The following BSG variants were observed in gnomAD, a reference collection of about 807,000 sequenced individuals.
BSG encodes the protein basigin.
A neutral mutation model predicts 43.1 loss-of-function variants in BSG; 37 were observed. That is an observed-to-expected ratio of 0.86 (90% confidence interval 0.66 to 1.13). The LOEUF (loss-of-function observed/expected upper bound fraction) is 1.13. Ranked by LOEUF, BSG falls within the 50% of genes most tolerant of loss-of-function variation. The pLI is 0.00. For synonymous variants in BSG, 309 were observed against 238.7 expected, an observed-to-expected ratio of 1.29 and a Z score of -2.72; for missense variants, 599 against 554.2, an observed-to-expected ratio of 1.08 and a Z score of -0.81.
chr19:581,616 C>CA (rs1982332156), intron 6 of BSG, 25 bp downstream of exon 6: 1 of 1,561,036 alleles, frequency 6.4e-7, no homozygotes, highest in African/African-American at 1.4e-5. Flanking sequence ...CTCCTGCCCA[C>CA]ATGCCCTGCT....
chr19:572,455 T>A (rs940915620), upstream of BSG: 5 of 1,154,914 alleles, frequency 4.3e-6, no homozygotes, highest in African/African-American at 8.1e-5. Context: ...AGCCGGCGCG[T>A]ACATGCGAGC....
At chr19:571,500 C>T (rs1365635539), upstream of BSG, 14 of 778,570 alleles carry the variant, frequency 1.8e-5, no homozygotes, top group Non-Finnish European at 3.1e-5. Context: ...TCTGGGTTTA[C>T]GCGTCACCTC....
chr19:579,062 A>G (rs1010556407), intron 2 of BSG: 22 of 457,780 alleles, frequency 4.8e-5, no homozygotes, highest in African/African-American at 4.2e-4. Flanking sequence ...GTTTTTAGAA[A>G]AGAATTTCCA....
chr19:572,373 C>T, upstream of BSG: 2 of 1,097,166 alleles, frequency 1.8e-6, no homozygotes. Flanking sequence ...TCCCCGCAGG[C>T]CCCACTCCCG....
At chr19:572,322 T>C, upstream of BSG, 1 of 971,864 alleles carries the variant, frequency 1.0e-6, no homozygotes, top group Non-Finnish European at 1.2e-6. Flanking sequence ...TCATTGCAAC[T>C]TTGAAAGCAG....
chr19:578,395 C>G (rs1047219346), intron 2 of BSG, among the ~76,000 whole-genome samples: 1 of 152,076 alleles, frequency 6.6e-6, no homozygotes, highest in Non-Finnish European at 1.5e-5. Flanking sequence ...CCATCCGTTC[C>G]GTCGTTTCTG....
intron 4 of BSG, 68 bp from the exon 5 acceptor site, chr19:580,578 T>TC: frequency 6.2e-7 from 1 of 1,607,140 alleles, no homozygotes; most frequent in East Asian, 2.2e-5. Flanking sequence ...GGAACAGCCC[T>TC]CCTGCGGGAG....
chr19:572,923 C>T lies in BSG; in HGVS notation c.67+222C>T, dbSNP rs1460571552. 7.3e-5 allele frequency among the ~76,000 whole-genome samples: 11 copies of T among 151,394 alleles called. No homozygotes were observed. The East Asian group carries it at 1.8e-3, about 24-fold the overall frequency. On this transcript the variant is annotated intron_variant, in intron 1 of 8. Transcript: ENST00000333511. ...TCCTCCCGGCGCGGCCTGCCGGGCTCCCCCGGGCGCTCCGGCCTCGAGCCC... is the reference window on the plus strand; with the variant it reads ...TCCTCCCGGCGCGGCCTGCCGGGCTTCCCCGGGCGCTCCGGCCTCGAGCCC...
intron 3 of BSG, chr19:580,005 C>G: frequency 2.4e-6 from 1 of 417,296 alleles, no homozygotes; most frequent in African/African-American, 2.0e-5. Context: ...ATGCCCTGCT[C>G]GGACCCCAGA....
At chr19:577,166 T>C (rs1418820196) in intron 1 of BSG, among the ~76,000 whole-genome samples, 1 of 152,100 alleles carries the variant, frequency 6.6e-6, no homozygotes, top group African/African-American at 2.4e-5. Flanking sequence ...GGCCTTCCCT[T>C]GCATTTCGAA....
rs150004629 is a variant in BSG, at chr19:579,593, G to A, written c.509G>A (p.Arg170His). 4.3e-6 allele frequency: 7 copies of A among 1,612,502 alleles called. No homozygotes were observed. In the African/African-American group the frequency reaches 6.7e-5, roughly 15 times the overall value. ...NDSATEVTGHRWLKGGVVLKE... is the reference protein window; with the variant it reads ...NDSATEVTGHHWLKGGVVLKE... The stretch of plus-strand genomic sequence containing the variant: ...AGCGCCACAGAGGTCACAGGGCACC[G>A]CTGGCTGAAGGGGGGCGTGGTGCTG... Residue 170 changes from arginine (R) to histidine (H), a missense_variant, in exon 3 of 9, where the codon CGC becomes CAC. Coordinates refer to ENST00000333511, the MANE Select transcript of BSG (RefSeq NM_001728.4).
Position 583,182 on chromosome 19 carries a change from C to G in BSG, c.*438C>G, listed in dbSNP as rs1399887476. On this transcript the variant is annotated 3_prime_UTR_variant, in exon 9 of 9. Coordinates refer to ENST00000333511, the MANE Select transcript of BSG (RefSeq NM_001728.4). Reference sequence around the variant, plus strand: ...CTTTTATGTTTAATTTTATGAGGGCCACGGGTCTGTGTTCGACTCAGCCTC... The same window carrying G: ...CTTTTATGTTTAATTTTATGAGGGCGACGGGTCTGTGTTCGACTCAGCCTC... 6.5e-6 allele frequency: 1 copy of G among 155,008 alleles called. No homozygotes were observed. The highest frequency in any genetic ancestry group is 2.4e-5 in the African/African-American group (1 of 41,460). 9.6% of individuals were successfully genotyped at this position (155,008 alleles called of 1,614,324 possible).
At chr19:580,600 G>C in intron 4 of BSG, 46 bp from the exon 5 acceptor site, 2 of 1,610,900 alleles carry the variant, frequency 1.2e-6, no homozygotes, top group Non-Finnish European at 1.7e-6. Flanking sequence ...CCGGGGATGG[G>C]GGCGGGCCTG....
At position 578,024 on chromosome 19, in the gene BSG, C is replaced by CG; in HGVS notation, c.319dup (p.Glu107GlyfsTer55). ...TCGTGGAGGAGGACACGGGCACTTA[C>CG]GAGTGCCGGGCCAGCAACGACCCGG... is the stretch of plus-strand genomic sequence containing the variant. On this transcript the variant is annotated frameshift_variant, in exon 2 of 9. Transcript: ENST00000333511. LOFTEE classifies it high-confidence loss of function. 1 of 1,611,932 alleles carries CG rather than the reference C, an allele frequency of 6.2e-7. No individual in the cohort carries two copies. Among genetic ancestry groups the CG allele is most frequent in the Non-Finnish European group, 8.5e-7 (1 of 1,179,586 alleles).
rs541178977 is a variant in BSG at position 575,780 on chromosome 19, T to A, written c.68-1994T>A. The stretch of plus-strand genomic sequence containing the variant: ...TACGTCTCATGTGGCCAGAATCGAA[T>A]TCTAACCTTTCTGGGGCTGTGGCCG... On this transcript the variant is annotated intron_variant, in intron 1 of 8. Transcript: ENST00000333511. 2.0e-4 allele frequency among the ~76,000 whole-genome samples: 30 copies of A among 152,260 alleles called. No individual in the cohort carries two copies. The East Asian group carries it at 5.2e-3, about 26-fold the overall frequency.
upstream of BSG, chr19:572,500 C>T (rs1307629426): frequency 8.3e-7 from 1 of 1,200,080 alleles, no homozygotes; most frequent in African/African-American, 1.6e-5. Flanking sequence ...CGACCGGCGT[C>T]CCCGGCGCTC....
At chr19:573,376 C>G (rs895591915) in intron 1 of BSG, among the ~76,000 whole-genome samples, 24 of 152,206 alleles carry the variant, frequency 1.6e-4, no homozygotes, top group African/African-American at 4.6e-4. Flanking sequence ...CTGGAGCGAT[C>G]ATCTTGGCGC....
At chr19:572,571 T>C, upstream of BSG, 2 of 1,426,818 alleles carry the variant, frequency 1.4e-6, no homozygotes, top group Middle Eastern at 1.8e-4. Flanking sequence ...CGCCGCTTTT[T>C]ATAGCGGCCG....
At chr19:573,244 GC>G (rs1042773414) in intron 1 of BSG, among the ~76,000 whole-genome samples, 2 of 152,160 alleles carry the variant, frequency 1.3e-5, no homozygotes, top group Non-Finnish European at 2.9e-5. Flanking sequence ...GCTGGACTCC[GC>G]AGGACCTGGG....
Sources: allele counts gnomAD v4.1 joint callset (sites outside exome capture counted in the v4.1 genomes callset), GRCh38; gene constraint gnomAD v4.1.1; transcripts MANE v1.5; gene names NCBI Gene and HGNC (gene_info 2026-07-23, HGNC 2026-07-21).